MGAT4C: variants seen among roughly 807,000 people sequenced by gnomAD.
MGAT4C encodes MGAT4 family member C, also known as alpha-1,3-mannosyl-glycoprotein 4-beta-N-acetylglucosaminyltransferase C.
In MGAT4C, 19 loss-of-function variants were observed where a neutral mutation model predicts 40.1. The observed-to-expected ratio is 0.47, with a 90% CI of 0.33 to 0.70. The LOEUF (loss-of-function observed/expected upper bound fraction) is 0.70. Among genes scored for constraint, MGAT4C ranks in the 30% least tolerant of loss-of-function variants. The pLI, the probability that MGAT4C is intolerant of heterozygous loss-of-function variation, is 0.02. For synonymous variants in MGAT4C, 181 were observed against 187.1 expected, an observed-to-expected ratio of 0.97 and a Z score of 0.27; for missense variants, 491 against 563.2, an observed-to-expected ratio of 0.87 and a Z score of 1.30.
intron 2 of MGAT4C, among the ~76,000 whole-genome samples, chr12:86,698,055 A>T (rs1210024318): frequency 6.6e-6 from 1 of 152,062 alleles, no homozygotes; most frequent in African/African-American, 2.4e-5. Flanking sequence ...TAATGCGAAA[A>T]ATATGGTTTT....
intron 4 of MGAT4C, among the ~76,000 whole-genome samples, chr12:86,327,286 A>G (rs1170746391): frequency 6.6e-6 from 1 of 152,066 alleles, no homozygotes; most frequent in Non-Finnish European, 1.5e-5. Flanking sequence ...TTGTTTTAAA[A>G]TTTATTTTGT....
rs73393157 is a variant in MGAT4C at position 86,776,799 on chromosome 12, T to A, written c.-261-49558A>T. Among the ~76,000 whole-genome samples, 519 of 152,236 alleles carry A rather than the reference T, an allele frequency of 3.4e-3. 7 individuals are homozygous for A. The highest frequency in any genetic ancestry group is 0.012 in the African/African-American group (502 of 41,558). ...ACGTTAGATTACTTCCTTCTCACAC[T>A]TTGAATACATTCAAATCAAATGAGA... On this transcript the variant is annotated intron_variant, in intron 1 of 7. Transcript: ENST00000548651.
intron 2 of MGAT4C, among the ~76,000 whole-genome samples, chr12:86,624,675 CT>C (rs1246289892): frequency 6.6e-6 from 1 of 152,048 alleles, no homozygotes; most frequent in Non-Finnish European, 1.5e-5. Context: ...AGGGAGGAAT[CT>C]TTAGTTTCCC....
In MGAT4C at chr12:86,385,972, C is replaced by A. The variant is rs562309889; in HGVS notation, c.-120+49185G>T. ...TTGAGACGGAGTCTCGCTCTGTCACCCAGGCTGGAGTGCAGTGGCAAGATC... is the reference window on the plus strand; with the variant it reads ...TTGAGACGGAGTCTCGCTCTGTCACACAGGCTGGAGTGCAGTGGCAAGATC... On this transcript the variant is annotated intron_variant, in intron 3 of 7. Coordinates refer to the MGAT4C transcript ENST00000548651. Among the ~76,000 whole-genome samples, 4 of 152,006 alleles carry A rather than the reference C, an allele frequency of 2.6e-5. No individual in the cohort carries two copies. In the South Asian group the frequency reaches 8.3e-4, roughly 32 times the overall value.
At position 85,974,752 on chromosome 12, in the gene MGAT4C, A is replaced by G. The variant is rs1450668109; in HGVS notation, c.*4537T>C. ...TTTGTTATGGCCTTTTTCTTCCTAA[A>G]AAGAATAACCCCAATCTGAACAAAG... On this transcript the variant is annotated 3_prime_UTR_variant, in exon 5 of 5. Coordinates refer to ENST00000611864, the MANE Select transcript of MGAT4C (RefSeq NM_001351288.2). 1 of 150,620 alleles carries G rather than the reference A, an allele frequency of 6.6e-6. No individual in the cohort carries two copies. Among genetic ancestry groups the G allele is most frequent in the East Asian group, 1.9e-4 (1 of 5,184 alleles). The allele number at this position is 150,620 out of a possible 1,614,324, so 9.3% of individuals were successfully genotyped here. A position where few individuals can be genotyped will look rare whatever the true frequency, so the allele number is the denominator to read the frequency against.
intron 2 of MGAT4C, among the ~76,000 whole-genome samples, chr12:86,590,538 C>T (rs974916719): frequency 2.4e-4 from 37 of 151,976 alleles, no homozygotes; most frequent in African/African-American, 8.7e-4. Flanking sequence ...TTTCAAAACC[C>T]TGCCAGTAAT....
intron 2 of MGAT4C, among the ~76,000 whole-genome samples, chr12:86,481,341 CT>C (rs1375909324): frequency 6.6e-6 from 1 of 151,942 alleles, no homozygotes; most frequent in Non-Finnish European, 1.5e-5. Flanking sequence ...AGTTACAAAA[CT>C]TAGTGTGAGG....
At chr12:86,793,071 T>A (rs1447921488) in intron 1 of MGAT4C, among the ~76,000 whole-genome samples, 1 of 152,224 alleles carries the variant, frequency 6.6e-6, no homozygotes, top group Non-Finnish European at 1.5e-5. Context: ...ACCCTATAGC[T>A]TATTTGCTAG....
chr12:86,758,118 A>T (rs186844564), intron 1 of MGAT4C, among the ~76,000 whole-genome samples: 1 of 152,168 alleles, frequency 6.6e-6, no homozygotes. Context: ...CTGTTGATTG[A>T]GATCTTACAT....
At chr12:86,277,320 T>A (rs1225075423) in intron 4 of MGAT4C, among the ~76,000 whole-genome samples, 1 of 152,218 alleles carries the variant, frequency 6.6e-6, no homozygotes, top group Non-Finnish European at 1.5e-5. Context: ...ACTTTGCAAA[T>A]ATTTTCTCCC....
intron 3 of MGAT4C, among the ~76,000 whole-genome samples, chr12:86,426,716 G>C (rs892968853): frequency 6.6e-6 from 1 of 152,220 alleles, no homozygotes; most frequent in African/African-American, 2.4e-5. Context: ...GGGAGGCCGA[G>C]GAGGGCGGAT....
intron 1 of MGAT4C, among the ~76,000 whole-genome samples, chr12:86,080,134 A>T (rs1302113218): frequency 6.6e-6 from 1 of 151,914 alleles, no homozygotes; most frequent in African/African-American, 2.4e-5. Context: ...CCATCTGTTT[A>T]TCTCATTTTC....
chr12:86,187,792 C>T (rs552534174), intron 1 of MGAT4C, among the ~76,000 whole-genome samples: 8 of 151,600 alleles, frequency 5.3e-5, no homozygotes, highest in Non-Finnish European at 7.4e-5. Context: ...TAGGCTTGAA[C>T]GTATTAAAGA....
chr12:86,021,240 A>G (rs1889699411), intron 2 of MGAT4C, among the ~76,000 whole-genome samples: 1 of 152,182 alleles, frequency 6.6e-6, no homozygotes, highest in African/African-American at 2.4e-5. Context: ...ATTACTGGGT[A>G]TATACCCAAA....
chr12:86,645,426 C>T (rs2136527498), intron 2 of MGAT4C, among the ~76,000 whole-genome samples: 1 of 151,784 alleles, frequency 6.6e-6, no homozygotes, highest in East Asian at 1.9e-4. Context: ...TTTAAATCAT[C>T]TCAGTATAGC....
chr12:86,123,061 T>C (rs1879677542), intron 1 of MGAT4C, among the ~76,000 whole-genome samples: 1 of 152,164 alleles, frequency 6.6e-6, no homozygotes, highest in Non-Finnish European at 1.5e-5. Context: ...AAATATTTAA[T>C]GAACTTCTAC....
In MGAT4C at chr12:86,367,379, G is replaced by A. The variant is rs1048298649; in HGVS notation, c.-119-33252C>T. On this transcript the variant is annotated intron_variant, in intron 3 of 7. Transcript: ENST00000548651. ...AAGCTAAAAGCAGAATCCAGTGTTG[G>A]GGAGTATGCCAGCAGCTGCAGGAAG... Among the ~76,000 whole-genome samples, 4 of 152,096 alleles carry A rather than the reference G, an allele frequency of 2.6e-5. No homozygotes were observed. In the East Asian group the frequency reaches 5.8e-4, roughly 22 times the overall value.
intron 1 of MGAT4C, among the ~76,000 whole-genome samples, chr12:86,181,030 G>T (rs184731779): frequency 2.0e-5 from 3 of 152,206 alleles, no homozygotes; most frequent in Admixed American, 1.3e-4. Context: ...GGGACCCAGG[G>T]GGAGGTAATT....
chr12:86,355,435 A>C (rs1192648669), intron 3 of MGAT4C, among the ~76,000 whole-genome samples: 1 of 152,226 alleles, frequency 6.6e-6, no homozygotes, highest in Non-Finnish European at 1.5e-5. Context: ...TGAAGAACAC[A>C]AATTTACAGA....
Sources: gnomAD v4.1 joint callset for allele counts (sites outside exome capture counted in the v4.1 genomes callset) on GRCh38, gnomAD v4.1.1 for gene constraint, MANE v1.5 for transcripts, NCBI Gene and HGNC (gene_info 2026-07-23, HGNC 2026-07-21) for gene names.